Variants in STX8 observed in about 807,000 individuals in gnomAD.
STX8 encodes syntaxin 8.
A neutral mutation model predicts 37.5 loss-of-function variants in STX8; 23 were observed. That is an observed-to-expected ratio of 0.61 (90% CI 0.44 to 0.87). STX8 has a LOEUF of 0.87. Among genes scored for constraint, STX8 ranks in the 40% least tolerant of loss-of-function variants. STX8 has a pLI of 0.00. For missense variants in STX8, 313 were observed against 284.7 expected (o/e 1.10, Z -0.71); for synonymous variants, 115 against 99.1 (o/e 1.16, Z -0.95).
rs768443159 is a variant in STX8 at position 9,557,468 on chromosome 17, C to A, written c.178G>T (p.Asp60Tyr). ...NLKEKIALLK[D>Y]LLLRAVSTHQ... Reference sequence around the variant, plus strand: ...GTTGACACAGCTCTTAGCAATAAGTCCTTCAAAAGGGCGATCTTTTCCTTC... The same window carrying A: ...GTTGACACAGCTCTTAGCAATAAGTACTTCAAAAGGGCGATCTTTTCCTTC... The change falls in exon 3 of 8, where the codon GAC becomes TAC. Residue 60 changes from aspartate (D) to tyrosine (Y), a missense_variant. Coordinates refer to ENST00000306357, the MANE Select transcript of STX8 (RefSeq NM_004853.3). 5 of 1,613,998 alleles carry A rather than the reference C, an allele frequency of 3.1e-6. No individual in the cohort carries two copies. In the South Asian group the frequency reaches 4.4e-5, roughly 14 times the overall value.
chr17:9,355,628 G>C (rs62067094), intron 7 of STX8, among the ~76,000 whole-genome samples: 14,118 of 150,888 alleles, frequency 0.094, 852 homozygotes, highest in Middle Eastern at 0.17. Context: ...TCAGCCTCTC[G>C]CCTCCCGAGT....
chr17:9,499,656 C>T lies in STX8; in HGVS notation c.448+5382G>A, dbSNP rs553800891. On this transcript the variant is annotated intron_variant, in intron 5 of 7. Transcript: ENST00000306357. ...CTTGTGATGTGCTTGCCTCTGCCTC[C>T]CAAAGTGCTGGGATTACCGGCGTGA... Among the ~76,000 whole-genome samples the T allele has an allele frequency of 3.9e-5, 6 of 152,324 alleles. No individual in the cohort carries two copies. The South Asian group carries it at 1.2e-3, about 32-fold the overall frequency.
At chr17:9,388,299 T>C (rs8078774) in intron 6 of STX8, among the ~76,000 whole-genome samples, 1 of 151,262 alleles carries the variant, frequency 6.6e-6, no homozygotes, top group East Asian at 2.0e-4. Flanking sequence ...CTCGAACTCC[T>C]GACCTCAGGT....
chr17:9,353,954 A>T (rs1910795845), intron 7 of STX8, among the ~76,000 whole-genome samples: 1 of 152,186 alleles, frequency 6.6e-6, no homozygotes. Context: ...AAAACCAGTG[A>T]TTTCTACCTG....
At chr17:9,430,095 AAT>A (rs571164035) in intron 6 of STX8, among the ~76,000 whole-genome samples, 802 of 56,366 alleles carry the variant, frequency 0.014, 54 homozygotes, top group African/African-American at 0.038. Context: ...TATTCTATAT[AAT>A]ATATATATTT....
intron 5 of STX8, among the ~76,000 whole-genome samples, chr17:9,494,305 G>A (rs757174073): frequency 2.0e-5 from 3 of 148,464 alleles, no homozygotes; most frequent in Non-Finnish European, 4.5e-5. Flanking sequence ...GTGAGCCACC[G>A]CCCCCGGCCC....
chr17:9,348,358 C>T (rs922799608), intron 7 of STX8, among the ~76,000 whole-genome samples: 1 of 141,182 alleles, frequency 7.1e-6, no homozygotes, highest in Non-Finnish European at 1.5e-5. Context: ...GCAGAACTTG[C>T]AATGAGCCGA....
chr17:9,419,117 G>C (rs1371320706), intron 6 of STX8, among the ~76,000 whole-genome samples: 1 of 151,504 alleles, frequency 6.6e-6, no homozygotes, highest in Non-Finnish European at 1.5e-5. Flanking sequence ...GTAGAAATAG[G>C]GGTCTCACTA....
intron 7 of STX8, among the ~76,000 whole-genome samples, chr17:9,333,953 G>C (rs1910054301): frequency 1.3e-5 from 2 of 152,138 alleles, no homozygotes; most frequent in African/African-American, 4.8e-5. Flanking sequence ...CACAGAACCG[G>C]CTGAGCAGGA....
intron 7 of STX8, among the ~76,000 whole-genome samples, chr17:9,377,221 C>T (rs967665992): frequency 1.3e-5 from 2 of 152,088 alleles, no homozygotes; most frequent in African/African-American, 2.4e-5. Context: ...GGATCCATTA[C>T]ATTTTTCATA....
intron 6 of STX8, among the ~76,000 whole-genome samples, chr17:9,480,261 G>A (rs1351070256): frequency 6.6e-6 from 1 of 152,080 alleles, no homozygotes; most frequent in Non-Finnish European, 1.5e-5. Flanking sequence ...GCACATAATA[G>A]GAGTTCAACA....
At chr17:9,429,634 C>T (rs1315680693) in intron 6 of STX8, among the ~76,000 whole-genome samples, 2 of 132,474 alleles carry the variant, frequency 1.5e-5, no homozygotes, top group East Asian at 2.1e-4. Context: ...ACCCAGGAGG[C>T]GGAGCTTGCA....
chr17:9,480,184 C>A (rs1373239045), intron 6 of STX8, among the ~76,000 whole-genome samples: 1 of 152,146 alleles, frequency 6.6e-6, no homozygotes, highest in Admixed American at 6.5e-5. Context: ...AGAACAAATA[C>A]TCCAGGAGGG....
At chr17:9,310,053 T>A (rs1055993487) in intron 7 of STX8, among the ~76,000 whole-genome samples, 3 of 152,036 alleles carry the variant, frequency 2.0e-5, no homozygotes, top group African/African-American at 4.8e-5. Context: ...CCTGAAATGA[T>A]GTTTCGGAAA....
intron 7 of STX8, among the ~76,000 whole-genome samples, chr17:9,360,208 A>G (rs1911015694): frequency 6.7e-6 from 1 of 149,750 alleles, no homozygotes; most frequent in Admixed American, 6.7e-5. Flanking sequence ...CAAAATACAT[A>G]TAATGTAAAA....
intron 6 of STX8, among the ~76,000 whole-genome samples, chr17:9,444,125 AC>A (rs1385477664): frequency 1.3e-5 from 2 of 149,912 alleles, no homozygotes; most frequent in Non-Finnish European, 3.0e-5. Context: ...CTTTATTCAC[AC>A]ACACTTTCGC....
chr17:9,397,948 A>G (rs545157330), intron 6 of STX8, among the ~76,000 whole-genome samples: 419 of 145,098 alleles, frequency 2.9e-3, no homozygotes, highest in Middle Eastern at 0.014. Flanking sequence ...AGATCACGCC[A>G]TTGCACTCCA....
At chr17:9,411,249 A>C (rs935573764) in intron 6 of STX8, among the ~76,000 whole-genome samples, 2 of 152,224 alleles carry the variant, frequency 1.3e-5, no homozygotes, top group Non-Finnish European at 2.9e-5. Context: ...CTATACTAGC[A>C]GTGAATGATG....
intron 6 of STX8, among the ~76,000 whole-genome samples, chr17:9,428,814 T>C (rs897938503): frequency 7.9e-5 from 12 of 152,206 alleles, no homozygotes; most frequent in African/African-American, 2.9e-4. Flanking sequence ...TTACAGTACA[T>C]CTTAATTCAG....
Sources: allele counts gnomAD v4.1 joint callset (sites outside exome capture counted in the v4.1 genomes callset), GRCh38; gene constraint gnomAD v4.1.1; transcripts MANE v1.5; gene names NCBI Gene and HGNC (gene_info 2026-07-23, HGNC 2026-07-21).